The following RNF141 variants were observed in gnomAD, a reference collection of about 807,000 sequenced individuals.
The protein encoded by RNF141 is ring finger protein 141, also known as C3HC4-like zinc finger protein.
In RNF141, 18 loss-of-function variants were observed where a neutral mutation model predicts 27.4. The observed-to-expected ratio is 0.66, with a 90% CI of 0.45 to 0.97. The LOEUF (loss-of-function observed/expected upper bound fraction) is 0.97, where lower values mean the gene tolerates loss of function less well. RNF141 is among the 50% of genes least tolerant of loss of function. The pLI, the probability that RNF141 is intolerant of heterozygous loss-of-function variation, is 0.00. For missense variants in RNF141, 230 were observed against 279.4 expected, an observed-to-expected ratio of 0.82 and a Z score of 1.26; for synonymous variants, 97 against 96.6, an observed-to-expected ratio of 1.00 and a Z score of -0.02.
At chr11:10,517,836 C>T (rs1193424314) in intron 5 of RNF141, 1 of 152,136 alleles carries the variant, frequency 6.6e-6, no homozygotes, top group Non-Finnish European at 1.5e-5. Flanking sequence ...AGAACTGATA[C>T]ATGAGTTTAA....
intron 4 of RNF141, among the ~76,000 whole-genome samples, chr11:10,522,440 T>G (rs1849895064): frequency 6.6e-6 from 1 of 152,338 alleles, no homozygotes; most frequent in South Asian, 2.1e-4. Flanking sequence ...AGGAGAGTCT[T>G]GTGCTGTTTG....
At chr11:10,534,705 T>C (rs529745266) in intron 1 of RNF141, among the ~76,000 whole-genome samples, 1 of 152,238 alleles carries the variant, frequency 6.6e-6, no homozygotes, top group African/African-American at 2.4e-5. Context: ...GCTAGGTGAT[T>C]TATCTAAAGT....
At chr11:10,523,848 T>C (rs1351134522) in intron 4 of RNF141, among the ~76,000 whole-genome samples, 1 of 152,164 alleles carries the variant, frequency 6.6e-6, no homozygotes, top group Non-Finnish European at 1.5e-5. Context: ...ACAACCACTA[T>C]TCTGGAGAGA....
chr11:10,531,034 A>AT (rs1464714097), intron 2 of RNF141, among the ~76,000 whole-genome samples: 2 of 152,148 alleles, frequency 1.3e-5, no homozygotes, highest in African/African-American at 4.8e-5. Context: ...TGGTCTTTAA[A>AT]TTTCTAACAA....
chr11:10,539,711 GGAGA>G lies in RNF141; in HGVS notation c.-48+1407_-48+1410del, dbSNP rs377217140. ...ACATACATATATATTAGAGAGAGAA[GGAGA>G]GAGAAACTACAAAAGGATAGAGTGC... On this transcript the variant is annotated intron_variant, in intron 1 of 5. Coordinates refer to ENST00000265981, the MANE Select transcript of RNF141 (RefSeq NM_016422.4). Among the ~76,000 whole-genome samples the G allele has an allele frequency of 7.7e-3, 55 of 7,124 alleles. 1 individual carries two copies. The highest frequency in any genetic ancestry group is 0.056 in the Middle Eastern group (1 of 18). 4.7% of individuals were successfully genotyped at this position (7,124 alleles called of 152,430 possible).
At chr11:10,524,303 T>C (rs1407613232) in intron 4 of RNF141, among the ~76,000 whole-genome samples, 1 of 151,942 alleles carries the variant, frequency 6.6e-6, no homozygotes, top group Non-Finnish European at 1.5e-5. Context: ...TAGTCCCAGC[T>C]ACTTGGGAGG....
In RNF141 at chr11:10,520,491, T is replaced by G. The variant is rs116660411; in HGVS notation, c.435-1350A>C. Among the ~76,000 whole-genome samples the G allele has an allele frequency of 9.4e-3, 1,433 of 152,294 alleles. 29 individuals are homozygous for G. Among genetic ancestry groups the G allele is most frequent in the African/African-American group, 0.033 (1,373 of 41,570 alleles). On this transcript the variant is annotated intron_variant, in intron 4 of 5. Coordinates refer to ENST00000265981, the MANE Select transcript of RNF141 (RefSeq NM_016422.4). ...TGGAAGGTCTTCAGGGGCAGTAACA[T>G]GCACGGAGCTGTCATCTCCTTTGAT...
rs1245580400 is a variant in RNF141 at position 10,513,163 on chromosome 11, GA to G, written c.*1752del. 3 of 152,194 alleles carry G rather than the reference GA, an allele frequency of 2.0e-5. No individual in the cohort carries two copies. Among genetic ancestry groups the G allele is most frequent in the Non-Finnish European group, 4.4e-5 (3 of 68,042 alleles). 9.4% of individuals were successfully genotyped at this position (152,194 alleles called of 1,614,324 possible). On this transcript the variant is annotated 3_prime_UTR_variant, in exon 6 of 6. Coordinates refer to ENST00000265981, the MANE Select transcript of RNF141 (RefSeq NM_016422.4). Reference sequence around the variant, plus strand: ...CTCTGCTTGCATAAACCTCCATAGGGAGTAGTTAGCTATTTGGTACTTAGCT... The same window carrying G: ...CTCTGCTTGCATAAACCTCCATAGGGGTAGTTAGCTATTTGGTACTTAGCT...
chr11:10,534,319 C>T, intron 1 of RNF141, 114 bp from the exon 2 acceptor site: 1 of 666,116 alleles, frequency 1.5e-6, no homozygotes, highest in Non-Finnish European at 2.5e-6. Flanking sequence ...GTTGAGTAGA[C>T]CTACATGAGT....
At position 10,512,469 on chromosome 11, in the gene RNF141, T is replaced by C. The variant is rs920268866; in HGVS notation, c.*2447A>G. The C allele has an allele frequency of 1.3e-5, 2 of 152,640 alleles. No homozygotes were observed. Among genetic ancestry groups the C allele is most frequent in the South Asian group, 4.1e-4 (2 of 4,832 alleles). The allele number at this position is 152,640 out of a possible 1,614,324, so 9.5% of individuals were successfully genotyped here. A position where few individuals can be genotyped will look rare whatever the true frequency, so the allele number is the denominator to read the frequency against. On this transcript the variant is annotated 3_prime_UTR_variant, in exon 6 of 6. Transcript: ENST00000265981. ...GGGCCCTATTGAGTCACTGGGCTCA[T>C]TGTTAAATAACTCCTTGAAAGGTGA...
At chr11:10,517,597 AAAC>A (rs1849852709) in intron 5 of RNF141, 1 of 152,162 alleles carries the variant, frequency 6.6e-6, no homozygotes, top group African/African-American at 2.4e-5. Context: ...AGTGAAAAGA[AAAC>A]AACCTTAAAA....
intron 5 of RNF141, 82 bp from the exon 6 acceptor site, chr11:10,515,148 G>A: frequency 2.1e-6 from 3 of 1,410,216 alleles, no homozygotes; most frequent in Non-Finnish European, 2.9e-6. Flanking sequence ...CATGCACATG[G>A]CTTTTAAAAA....
chr11:10,539,687 C>CATATATATATATATATATATAT (rs1330301830), intron 1 of RNF141, among the ~76,000 whole-genome samples: 2 of 50,878 alleles, frequency 3.9e-5, no homozygotes, highest in Non-Finnish European at 7.6e-5. Flanking sequence ...GAAAAAGATA[C>CATATATATATATATATATATAT]ATACATATAT....
chr11:10,523,352 C>G (rs1849904800), intron 4 of RNF141, among the ~76,000 whole-genome samples: 2 of 152,228 alleles, frequency 1.3e-5, no homozygotes, highest in Admixed American at 6.5e-5. Flanking sequence ...AGAACAATTT[C>G]TAATCATGAC....
Position 10,519,130 on chromosome 11 carries a change from A to G in RNF141, c.446T>C (p.Leu149Pro). The change falls in exon 5 of 6, where the codon CTG becomes CCG. Residue 149 changes from leucine (L) to proline (P), a missense_variant. Transcript: ENST00000265981. ...ASLWMGRVKQ[L>P]TDEEECCICM... is the part of the protein sequence containing the mutation. ...GATACAACACTCCTCCTCATCGGTC[A>G]GCTGCTTCACCCTGCAATGTGAAAA... is the stretch of plus-strand genomic sequence containing the variant. The G allele has an allele frequency of 6.2e-7, 1 of 1,613,806 alleles. No homozygotes were observed. Among genetic ancestry groups the G allele is most frequent in the Non-Finnish European group, 8.5e-7 (1 of 1,179,804 alleles).
chr11:10,534,084 C>A lies in RNF141; in HGVS notation c.75G>T (p.Thr25=), dbSNP rs746526993. 1.2e-5 allele frequency: 20 copies of A among 1,613,506 alleles called. No individual in the cohort carries two copies. The highest frequency in any genetic ancestry group is 1.6e-4 in the Middle Eastern group (1 of 6,080). ...TTAAGGAGCCACTCTCTCGAACCAACGTAACATGTTTTGCTACTTTTTCTG... is the reference window on the plus strand; with the variant it reads ...TTAAGGAGCCACTCTCTCGAACCAAAGTAACATGTTTTGCTACTTTTTCTG... The part of the protein sequence containing the change: ...KLPEKVAKHV[T]LVRESGSLTY... Residue 25 remains threonine, a synonymous_variant, in exon 2 of 6, where the codon ACG becomes ACT. Transcript: ENST00000265981.
intron 4 of RNF141, among the ~76,000 whole-genome samples, chr11:10,522,320 G>C (rs1849893931): frequency 6.6e-6 from 1 of 152,190 alleles, no homozygotes; most frequent in Non-Finnish European, 1.5e-5. Flanking sequence ...ACAAAGAAGA[G>C]CATTGTGGAG....
chr11:10,527,496 T>G (rs979217565), intron 3 of RNF141, among the ~76,000 whole-genome samples: 4 of 151,326 alleles, frequency 2.6e-5, no homozygotes, highest in Non-Finnish European at 4.4e-5. Context: ...GCACAGAGAG[T>G]CTCACAAGAA....
rs773800330 is a variant in RNF141 at position 10,513,261 on chromosome 11, T to C, written c.*1655A>G. ...CGAAATCAAGCTACCCCTGGCCAGA[T>C]GTTTTTCCTTGAAATTGATTTGAAT... On this transcript the variant is annotated 3_prime_UTR_variant, in exon 6 of 6. Transcript: ENST00000265981. 2.6e-5 allele frequency: 4 copies of C among 152,238 alleles called. No individual in the cohort carries two copies. The highest frequency in any genetic ancestry group is 5.9e-5 in the Non-Finnish European group (4 of 68,040). 9.4% of individuals were successfully genotyped at this position (152,238 alleles called of 1,614,324 possible). A position where few individuals can be genotyped will look rare whatever the true frequency, so the allele number is the denominator to read the frequency against.
Sources: allele counts gnomAD v4.1 joint callset (sites outside exome capture counted in the v4.1 genomes callset), GRCh38; gene constraint gnomAD v4.1.1; transcripts MANE v1.5; gene names NCBI Gene and HGNC (gene_info 2026-07-23, HGNC 2026-07-21).